Variants in PRKAR1B observed in about 807,000 individuals in gnomAD.
PRKAR1B encodes the protein protein kinase cAMP-dependent type I regulatory subunit beta.
In PRKAR1B, 22 loss-of-function variants were observed where a neutral mutation model predicts 46.5. That is an observed-to-expected ratio of 0.47 (90% CI 0.34 to 0.68). The LOEUF (loss-of-function observed/expected upper bound fraction) is 0.68. Ranked by LOEUF, PRKAR1B falls within the 30% of genes least tolerant of loss-of-function variation. PRKAR1B has a pLI of 0.01. For missense variants in PRKAR1B, 445 were observed against 535.6 expected, an observed-to-expected ratio of 0.83 and a Z score of 1.67; for synonymous variants, 259 against 217.7, an observed-to-expected ratio of 1.19 and a Z score of -1.67.
intron 4 of PRKAR1B, among the ~76,000 whole-genome samples, chr7:628,908 C>G (rs1259725783): frequency 1.3e-5 from 2 of 152,074 alleles, no homozygotes; most frequent in African/African-American, 4.8e-5. Context: ...TCGTCGGGGA[C>G]GGGGTGGAGG....
upstream of PRKAR1B, among the ~76,000 whole-genome samples, chr7:728,105 A>G (rs1342347277): frequency 6.6e-6 from 1 of 152,080 alleles, no homozygotes; most frequent in Non-Finnish European, 1.5e-5. Flanking sequence ...CCTCCACTTT[A>G]TAACGTTCCC....
intron 4 of PRKAR1B, among the ~76,000 whole-genome samples, chr7:638,406 C>T (rs951904114): frequency 1.3e-5 from 2 of 152,106 alleles, no homozygotes; most frequent in African/African-American, 2.4e-5. Flanking sequence ...GATCGTCCCC[C>T]GGGGGCCTCG....
chr7:721,406 G>A (rs1039483782), intron 1 of PRKAR1B, among the ~76,000 whole-genome samples: 1 of 152,116 alleles, frequency 6.6e-6, no homozygotes, highest in African/African-American at 2.4e-5. Flanking sequence ...CAGCACTTTG[G>A]GGGGCATTGA....
At chr7:645,634 A>C (rs980816960) in intron 4 of PRKAR1B, among the ~76,000 whole-genome samples, 1 of 152,136 alleles carries the variant, frequency 6.6e-6, no homozygotes. Context: ...GTTTCTCTGA[A>C]GCTGTTCAGG....
chr7:675,670 G>T (rs1229294633), intron 4 of PRKAR1B, among the ~76,000 whole-genome samples: 4 of 152,130 alleles, frequency 2.6e-5, no homozygotes, highest in African/African-American at 7.2e-5. Flanking sequence ...AATGCAGGCC[G>T]GGCGCAGTGG....
chr7:640,656 G>A (rs897293279), intron 4 of PRKAR1B, among the ~76,000 whole-genome samples: 6 of 151,824 alleles, frequency 4.0e-5, no homozygotes, highest in East Asian at 1.9e-4. Context: ...CCAGCTACTC[G>A]AGAGGCTGAG....
chr7:593,662 G>A lies in PRKAR1B; in HGVS notation c.708+2484C>T, dbSNP rs1444899524. Among the ~76,000 whole-genome samples, 1 of 152,070 alleles carries A rather than the reference G, an allele frequency of 6.6e-6. No individual in the cohort carries two copies. The highest frequency in any genetic ancestry group is 2.4e-5 in the African/African-American group (1 of 41,404). The stretch of plus-strand genomic sequence containing the variant: ...CCGCTCCAGCCCCTCTCAGGGGGAG[G>A]GTGTCTCAGGGGACCCCTCCCACGC... On this transcript the variant is annotated intron_variant, in intron 7 of 10. Transcript: ENST00000537384. The surrounding 1 kb of genome is among the most constrained non-coding windows in gnomAD (Gnocchi z 6.1).
chr7:699,525 G>C (rs1282923490), intron 2 of PRKAR1B, among the ~76,000 whole-genome samples: 1 of 152,138 alleles, frequency 6.6e-6, no homozygotes, highest in Non-Finnish European at 1.5e-5. Context: ...AGGAGGGCCA[G>C]AGGACACTAA....
intron 9 of PRKAR1B, among the ~76,000 whole-genome samples, chr7:562,514 C>T (rs963316602): frequency 6.6e-5 from 10 of 152,194 alleles, no homozygotes; most frequent in African/African-American, 9.7e-5. Flanking sequence ...GGATTCTGCC[C>T]CCTGCAGAGC....
intron 1 of PRKAR1B, among the ~76,000 whole-genome samples, chr7:715,178 G>T (rs1052948355): frequency 6.6e-6 from 1 of 152,032 alleles, no homozygotes; most frequent in Admixed American, 6.6e-5. Context: ...ACTCCGTCTC[G>T]AAATAAATAA....
At chr7:680,854 G>A in intron 2 of PRKAR1B, 128 bp from the exon 3 acceptor site, 3 of 1,094,100 alleles carry the variant, frequency 2.7e-6, no homozygotes, top group Non-Finnish European at 2.6e-6. Flanking sequence ...TCAGGAGTTG[G>A]ACATACGGTT....
chr7:593,138 A>C lies in PRKAR1B; in HGVS notation c.708+3008T>G, dbSNP rs1047411368. On this transcript the variant is annotated intron_variant, in intron 7 of 10. Transcript: ENST00000537384. The surrounding 1 kb of genome is among the most constrained non-coding windows in gnomAD (Gnocchi z 6.1). ...GGGAGCCTAGAGGTGGGGTCACCCC[A>C]TCCTTCCTCGGATAAAACGTGAAGC... 2.0e-5 allele frequency among the ~76,000 whole-genome samples: 3 copies of C among 152,200 alleles called. No homozygotes were observed. Among genetic ancestry groups the C allele is most frequent in the African/African-American group, 7.2e-5 (3 of 41,452 alleles).
chr7:558,297 G>C (rs1486224716), intron 9 of PRKAR1B, among the ~76,000 whole-genome samples: 1 of 136,950 alleles, frequency 7.3e-6, no homozygotes, highest in Non-Finnish European at 1.5e-5. Context: ...CTGCACTCCA[G>C]CCTGGGTGAC....
intron 4 of PRKAR1B, among the ~76,000 whole-genome samples, chr7:609,404 C>T (rs1782347310): frequency 6.6e-6 from 1 of 152,276 alleles, no homozygotes; most frequent in East Asian, 1.9e-4. Context: ...CCCCCACCAC[C>T]CAGCTCAGGA....
chr7:588,750 G>T, intron 7 of PRKAR1B, among the ~76,000 whole-genome samples: 3 of 7,748 alleles, frequency 3.9e-4, no homozygotes, highest in Admixed American at 1.4e-3. Flanking sequence ...AGTGGTGATG[G>T]TGATGGTGAT....
intron 4 of PRKAR1B, among the ~76,000 whole-genome samples, chr7:613,236 C>CTTTTTTTTTTTTT (rs1474251133): frequency 7.2e-6 from 1 of 139,534 alleles, no homozygotes; most frequent in African/African-American, 2.9e-5. Context: ...TTTTCTTTTT[C>CTTTTTTTTTTTTT]TTTTGTTTTT....
At chr7:562,383 C>A (rs1462485712) in intron 9 of PRKAR1B, among the ~76,000 whole-genome samples, 1 of 152,310 alleles carries the variant, frequency 6.6e-6, no homozygotes, top group African/African-American at 2.4e-5. Context: ...CCTCCAGCTC[C>A]ACAGGCCCAG....
In PRKAR1B at chr7:569,158, C is replaced by G. The variant is rs1366700287; in HGVS notation, c.891+10098G>C. ...GGACCATCCTTTGCTGAAGACGCCT[C>G]GGCGTCCCTGTCTCAGTCCGCAAGC... On this transcript the variant is annotated intron_variant, in intron 9 of 10. Coordinates refer to ENST00000537384, the MANE Select transcript of PRKAR1B (RefSeq NM_001164760.2). Among the ~76,000 whole-genome samples, 4 of 152,120 alleles carry G rather than the reference C, an allele frequency of 2.6e-5. No individual in the cohort carries two copies. The East Asian group carries it at 7.7e-4, about 29-fold the overall frequency.
chr7:626,809 C>T (rs1015392556), intron 4 of PRKAR1B, among the ~76,000 whole-genome samples: 2 of 152,006 alleles, frequency 1.3e-5, no homozygotes, highest in Non-Finnish European at 2.9e-5. Flanking sequence ...CTCCTGGACA[C>T]GAGCGGTCCT....
Sources: allele counts gnomAD v4.1 joint callset (sites outside exome capture counted in the v4.1 genomes callset), GRCh38; gene constraint gnomAD v4.1.1; non-coding constraint Gnocchi (gnomAD v3.1); transcripts MANE v1.5; gene names NCBI Gene and HGNC (gene_info 2026-07-23, HGNC 2026-07-21).